The following LRP2BP variants were observed in gnomAD, a reference collection of about 807,000 sequenced individuals.
LRP2BP encodes LRP2 binding protein, also known as LRP2-binding protein.
In LRP2BP, 38 loss-of-function variants were observed where a neutral mutation model predicts 45.2. That is an observed-to-expected ratio of 0.84 (90% CI 0.65 to 1.10). LRP2BP has a LOEUF of 1.10. Among genes scored for constraint, LRP2BP ranks in the 50% least tolerant of loss-of-function variants. LRP2BP has a pLI of 0.00. For missense variants in LRP2BP, 385 were observed against 418.9 expected, an observed-to-expected ratio of 0.92 and a Z score of 0.71; for synonymous variants, 153 against 153.9, an observed-to-expected ratio of 0.99 and a Z score of 0.04.
chr4:185,379,198 C>T (rs138284567), intron 1 of LRP2BP, among the ~76,000 whole-genome samples: 1 of 152,244 alleles, frequency 6.6e-6, no homozygotes, highest in African/African-American at 2.4e-5. Context: ...TAGATATATA[C>T]AATTCTTGAT....
chr4:185,375,660 G>C lies in LRP2BP; in HGVS notation c.283C>G (p.Gln95Glu). Residue 95 changes from glutamine to glutamate, a missense_variant, in exon 4 of 9, where the codon CAG (glutamine) becomes GAG (glutamate). Physicochemically the swap from Gln to Glu is conservative, Grantham distance 29. Coordinates refer to ENST00000505916, the MANE Select transcript of LRP2BP (RefSeq NM_001377440.1). ...CCATCATAGTACATCACTCCTAGCTGGTAAGTTGCTTGATGGTCTTTCTCC... is the reference window on the plus strand; with the variant it reads ...CCATCATAGTACATCACTCCTAGCTCGTAAGTTGCTTGATGGTCTTTCTCC... ...IKEKDHQATY[Q>E]LGVMYYDGLG... The C allele has an allele frequency of 6.2e-7, 1 of 1,611,860 alleles. No homozygotes were observed.
At chr4:185,375,375 G>C (rs191877886) in intron 4 of LRP2BP, among the ~76,000 whole-genome samples, 1,909 of 137,992 alleles carry the variant, frequency 0.014, 39 homozygotes, top group African/African-American at 0.049. Flanking sequence ...AGAATCACTC[G>C]AACCCGGGAA....
At chr4:185,367,692 T>G (rs7664573) in intron 8 of LRP2BP, among the ~76,000 whole-genome samples, 38,600 of 152,072 alleles carry the variant, frequency 0.25, 5,210 homozygotes, top group African/African-American at 0.34. Context: ...ATGTCAACAA[T>G]TTGGGATATA....
chr4:185,367,995 C>T (rs565160219), intron 8 of LRP2BP, among the ~76,000 whole-genome samples: 1 of 152,074 alleles, frequency 6.6e-6, no homozygotes, highest in South Asian at 2.1e-4. Context: ...CCGGCTAACA[C>T]AGTGAAACTC....
chr4:185,385,469 A>G (rs2095468465), intron 1 of LRP2BP, among the ~76,000 whole-genome samples: 1 of 152,214 alleles, frequency 6.6e-6, no homozygotes. Context: ...CAAAATTTAA[A>G]TTGACCTCTG....
chr4:185,393,496 T>C (rs2095493688), intron 1 of LRP2BP, among the ~76,000 whole-genome samples: 1 of 151,444 alleles, frequency 6.6e-6, no homozygotes, highest in South Asian at 2.1e-4. Flanking sequence ...CTGGCACAAT[T>C]CACTGATGCA....
chr4:185,374,574 A>G, intron 4 of LRP2BP, 113 bp from the exon 5 acceptor site: 3 of 1,129,474 alleles, frequency 2.7e-6, no homozygotes, highest in Non-Finnish European at 3.7e-6. Flanking sequence ...GTATAATACT[A>G]TGAATCTGTG....
intron 6 of LRP2BP, 51 bp from the exon 7 acceptor site, chr4:185,373,130 T>C (rs3797027): frequency 0.049 from 73,015 of 1,483,010 alleles, 2,085 homozygotes; most frequent in South Asian, 0.088. Flanking sequence ...TAGATGAAAT[T>C]ATAAGGGAAT....
chr4:185,396,408 G>C (rs145885034), upstream of LRP2BP: 67 of 153,266 alleles, frequency 4.4e-4, no homozygotes, highest in East Asian at 0.011. Flanking sequence ...ACCTGCAGCC[G>C]AAACTCCCGC....
In LRP2BP at chr4:185,395,430, C is replaced by G. The variant is rs1014712194; in HGVS notation, c.-673G>C. ...AAGCTTCAACACGTGTTTTAAAAAG[C>G]AGTGCTTATTGAATTGATAAACAAA... On this transcript the variant is annotated 5_prime_UTR_variant, in exon 1 of 9. Coordinates refer to ENST00000505916, the MANE Select transcript of LRP2BP (RefSeq NM_001377440.1). 1.0e-6 allele frequency: 1 copy of G among 985,316 alleles called. No individual in the cohort carries two copies. The highest frequency in any genetic ancestry group is 1.7e-5 in the African/African-American group (1 of 57,246). The allele number at this position is 985,316 out of a possible 1,614,324, so 61.0% of individuals were successfully genotyped here. A position where few individuals can be genotyped will look rare whatever the true frequency, so the allele number is the denominator to read the frequency against.
intron 4 of LRP2BP, 126 bp downstream of exon 4, chr4:185,375,487 A>AAAAAAAAATATAT (rs1554018308): frequency 3.3e-4 from 4 of 12,012 alleles, no homozygotes; most frequent in East Asian, 2.6e-3. Context: ...AAAAAAAAAA[A>AAAAAAAAATATAT]ATATATATAT....
chr4:185,378,395 G>A, intron 1 of LRP2BP, 188 bp from the exon 2 acceptor site: 1 of 1,375,202 alleles, frequency 7.3e-7, no homozygotes, highest in Non-Finnish European at 9.4e-7. Context: ...CTCCCTAGCT[G>A]AGAGACAGCC....
intron 1 of LRP2BP, among the ~76,000 whole-genome samples, chr4:185,385,745 A>G (rs925767668): frequency 2.0e-5 from 3 of 147,496 alleles, no homozygotes; most frequent in African/African-American, 7.3e-5. Context: ...TACTAACAAT[A>G]CAAAAATTAG....
In LRP2BP at chr4:185,371,266, G is replaced by A. The variant is rs554567153; in HGVS notation, c.804-452C>T. 2.3e-3 allele frequency among the ~76,000 whole-genome samples: 352 copies of A among 152,202 alleles called. 1 individual carries two copies. The highest frequency in any genetic ancestry group is 6.1e-3 in the African/African-American group (252 of 41,538). ...TTTAAAAATAGACAATTGGCTGGGCGCGGTGGCTCACGCCTGTAATCCCAG... is the reference window on the plus strand; with the variant it reads ...TTTAAAAATAGACAATTGGCTGGGCACGGTGGCTCACGCCTGTAATCCCAG... On this transcript the variant is annotated intron_variant, in intron 7 of 8. Coordinates refer to ENST00000505916, the MANE Select transcript of LRP2BP (RefSeq NM_001377440.1).
At chr4:185,368,823 T>G (rs906527081) in intron 8 of LRP2BP, among the ~76,000 whole-genome samples, 1 of 149,844 alleles carries the variant, frequency 6.7e-6, no homozygotes, top group Non-Finnish European at 1.5e-5. Flanking sequence ...AGATGGAGTC[T>G]CACTGTGTTG....
At position 185,367,113 on chromosome 4, in the gene LRP2BP, G is replaced by T; in HGVS notation, c.*67C>A. 7.6e-7 allele frequency: 1 copy of T among 1,310,538 alleles called. No homozygotes were observed. The allele number at this position is 1,310,538 out of a possible 1,614,324, so 81.2% of individuals were successfully genotyped here. ...GTGATGTGCAAAATAACCAAACATA[G>T]CTACTGTAAAAATACACACATTGTG... On this transcript the variant is annotated 3_prime_UTR_variant, in exon 9 of 9. Coordinates refer to ENST00000505916, the MANE Select transcript of LRP2BP (RefSeq NM_001377440.1).
At chr4:185,388,364 G>C (rs1411429939) in intron 1 of LRP2BP, among the ~76,000 whole-genome samples, 1 of 136,428 alleles carries the variant, frequency 7.3e-6, no homozygotes, top group Admixed American at 7.0e-5. Context: ...GCCATGTCCC[G>C]GGGTCTTATT....
chr4:185,386,799 G>C (rs2095473050), intron 1 of LRP2BP, among the ~76,000 whole-genome samples: 1 of 152,218 alleles, frequency 6.6e-6, no homozygotes, highest in Non-Finnish European at 1.5e-5. Flanking sequence ...GGACTAGCTA[G>C]TGGTGACAAG....
At position 185,395,566 on chromosome 4, in the gene LRP2BP, A is replaced by T; in HGVS notation, c.-809T>A. 1.0e-6 allele frequency: 1 copy of T among 980,798 alleles called. No individual in the cohort carries two copies. Among genetic ancestry groups the T allele is most frequent in the African/African-American group, 1.7e-5 (1 of 57,262 alleles). 60.8% of individuals were successfully genotyped at this position (980,798 alleles called of 1,614,324 possible). ...AGATATTGTGAATAGTTTAAATATTAAAAATGTGGAATATAAGAACGATTC... is the reference window on the plus strand; with the variant it reads ...AGATATTGTGAATAGTTTAAATATTTAAAATGTGGAATATAAGAACGATTC... On this transcript the variant is annotated 5_prime_UTR_variant, in exon 1 of 9. Transcript: ENST00000505916.
Sources: gnomAD v4.1 joint callset for allele counts (sites outside exome capture counted in the v4.1 genomes callset) on GRCh38, gnomAD v4.1.1 for gene constraint, MANE v1.5 for transcripts, NCBI Gene and HGNC (gene_info 2026-07-23, HGNC 2026-07-21) for gene names.